CEBPZ: variants seen among roughly 807,000 people sequenced by gnomAD.
CEBPZ encodes the protein CCAAT enhancer binding protein zeta, also known as CCAAT/enhancer-binding protein zeta.
CEBPZ carries 78 observed loss-of-function variants against 104.5 expected under a neutral mutation model. The ratio of observed to expected loss-of-function variants is 0.75; its 90% CI spans 0.62 to 0.90. The LOEUF (loss-of-function observed/expected upper bound fraction) is 0.90. CEBPZ is among the 40% of genes least tolerant of loss of function. The pLI is 0.00. For synonymous variants in CEBPZ, 470 were observed against 427.0 expected (o/e 1.10, Z -1.24); for missense variants, 1,439 against 1,233.5 (o/e 1.17, Z -2.50).
At chr2:37,212,282 A>G (rs1677745603) in intron 11 of CEBPZ, 53 bp downstream of exon 11, 1 of 1,510,542 alleles carries the variant, frequency 6.6e-7, no homozygotes, top group African/African-American at 1.4e-5. Context: ...TCTGAGGGAC[A>G]ACAATTTGGG....
Position 37,201,783 on chromosome 2 carries a change from G to GT in CEBPZ, c.3145dup (p.Thr1049AsnfsTer2), listed in dbSNP as rs148813970. On this transcript the variant is annotated frameshift_variant, in exon 16 of 16. Transcript: ENST00000234170. LOFTEE classifies it high-confidence loss of function. ...AATAACTCATTTCCTTTGTTTTTTA[G>GT]TTTTTTGAGTGGTTTTAATCCTCTT... 1 of 1,485,110 alleles carries GT rather than the reference G, an allele frequency of 6.7e-7. No homozygotes were observed. The highest frequency in any genetic ancestry group is 9.4e-7 in the Non-Finnish European group (1 of 1,063,386). 92.0% of individuals were successfully genotyped at this position (1,485,110 alleles called of 1,614,324 possible).
Position 37,210,989 on chromosome 2 carries a change from A to G in CEBPZ, c.2884+10T>C. 1 of 1,592,636 alleles carries G rather than the reference A, an allele frequency of 6.3e-7. No homozygotes were observed. Among genetic ancestry groups the G allele is most frequent in the East Asian group, 2.2e-5 (1 of 44,478 alleles). ...ACTGCTTTTAAAAGATATTAAATGT[A>G]TTTTCTTACCTTGAAATGAGCCAGC... On this transcript the variant is annotated intron_variant, in intron 13 of 15. Coordinates refer to ENST00000234170, the MANE Select transcript of CEBPZ (RefSeq NM_005760.3).
intron 12 of CEBPZ, 39 bp from the exon 13 acceptor site, chr2:37,211,121 A>C (rs759457060): frequency 8.9e-6 from 12 of 1,352,428 alleles, no homozygotes; most frequent in Non-Finnish European, 1.3e-5. Flanking sequence ...CAATTTAAAA[A>C]CAATAAGACT....
rs114948776 is a variant in CEBPZ at position 37,212,488 on chromosome 2, T to C, written c.2546-96A>G. On this transcript the variant is annotated intron_variant, in intron 10 of 15. Coordinates refer to ENST00000234170, the MANE Select transcript of CEBPZ (RefSeq NM_005760.3). ...CAATTATTCTAAGTCATGATTCTGC[T>C]GTTTATGACAAGTGAACACCAAAAC... 1.2e-3 allele frequency: 1,236 copies of C among 1,068,988 alleles called. 9 individuals carry two copies. In the African/African-American group the frequency reaches 0.018, roughly 15 times the overall value. The allele number at this position is 1,068,988 out of a possible 1,614,324, so 66.2% of individuals were successfully genotyped here.
rs1664809196 is a variant in CEBPZ, at chr2:37,223,241, C to T, written c.1810G>A (p.Gly604Arg). 1 of 1,613,984 alleles carries T rather than the reference C, an allele frequency of 6.2e-7. No individual in the cohort carries two copies. The highest frequency in any genetic ancestry group is 8.5e-7 in the Non-Finnish European group (1 of 1,180,018). Residue 604 changes from glycine to arginine, a missense_variant, in exon 3 of 16, where the codon GGA becomes AGA. By Grantham distance (125) the Gly-to-Arg change is moderately radical (BLOSUM62 -2). Coordinates refer to ENST00000234170, the MANE Select transcript of CEBPZ (RefSeq NM_005760.3). ...TCQQMPPFIC[G>R]ALYLVSEILK... ...ATCTCAGACACAAGATATAAAGCTCCACATATAAATGGTGGCATCTGTTGA... is the reference window on the plus strand; with the variant it reads ...ATCTCAGACACAAGATATAAAGCTCTACATATAAATGGTGGCATCTGTTGA...
rs192761597 is a variant in CEBPZ, at chr2:37,231,133, C to A, written c.156+279G>T. 37 of 587,982 alleles carry A rather than the reference C, an allele frequency of 6.3e-5. No homozygotes were observed. The East Asian group carries it at 1.4e-3, about 22-fold the overall frequency. The allele number at this position is 587,982 out of a possible 1,614,324, so 36.4% of individuals were successfully genotyped here. On this transcript the variant is annotated intron_variant, in intron 1 of 15. Transcript: ENST00000234170. ...GGTCAGGACCAAGAAAAGCCACTCT[C>A]CGACCTGATGGTGTGATGGTTATAC...
intron 9 of CEBPZ, 77 bp downstream of exon 9, chr2:37,214,809 A>G (rs1415457004): frequency 2.2e-6 from 2 of 902,070 alleles, no homozygotes; most frequent in Non-Finnish European, 3.6e-6. Context: ...ATTATTTCAT[A>G]AAATGAAGCA....
At chr2:37,212,433 A>C in intron 10 of CEBPZ, 41 bp from the exon 11 acceptor site, 1 of 1,494,494 alleles carries the variant, frequency 6.7e-7, no homozygotes, top group Non-Finnish European at 9.3e-7. Context: ...ACAAAGAATG[A>C]CAAGCTTGAC....
At chr2:37,229,152 A>T in intron 1 of CEBPZ, 116 bp from the exon 2 acceptor site, 1 of 966,030 alleles carries the variant, frequency 1.0e-6, no homozygotes, top group Non-Finnish European at 1.4e-6. Context: ...AATCCTTTCA[A>T]ATTTGACATA....
intron 13 of CEBPZ, among the ~76,000 whole-genome samples, chr2:37,207,878 TAAAG>T (rs1449807561): frequency 7.9e-5 from 12 of 151,256 alleles, no homozygotes; most frequent in South Asian, 2.1e-4. Context: ...TGTGGAAAAA[TAAAG>T]AAAATCGGTA....
In CEBPZ at chr2:37,228,306, T is replaced by G; in HGVS notation, c.887A>C (p.Asp296Ala). 3 of 1,614,126 alleles carry G rather than the reference T, an allele frequency of 1.9e-6. No individual in the cohort carries two copies. In the African/African-American group the frequency reaches 4.0e-5, roughly 22 times the overall value. Reference protein sequence around the residue: ...LDTFKELLITDLLPDNRKLRI... With the variant: ...LDTFKELLITALLPDNRKLRI... ...CAGCTTCCGATTGTCTGGCAAAAGG[T>G]CTGTGATAAGCAACTCTTTGAAAGT... Residue 296 changes from aspartate to alanine, a missense_variant, in exon 2 of 16, where the codon GAC becomes GCC. Asp to Ala is a moderately radical substitution (Grantham distance 126). Transcript: ENST00000234170.
intron 2 of CEBPZ, 93 bp from the exon 3 acceptor site, chr2:37,223,494 G>A (rs1664815718): frequency 1.9e-6 from 2 of 1,064,742 alleles, no homozygotes; most frequent in Admixed American, 2.3e-5. Flanking sequence ...CCTCATCTTA[G>A]TTAGGGATAA....
At chr2:37,227,315 T>A (rs1664911121) in intron 2 of CEBPZ, among the ~76,000 whole-genome samples, 1 of 152,236 alleles carries the variant, frequency 6.6e-6, no homozygotes, top group Admixed American at 6.5e-5. Flanking sequence ...TTTTTCTGTA[T>A]TTTACAACCT....
chr2:37,202,767 A>C lies in CEBPZ; in HGVS notation c.3025+17T>G. On this transcript the variant is annotated intron_variant, in intron 15 of 15. Coordinates refer to ENST00000234170, the MANE Select transcript of CEBPZ (RefSeq NM_005760.3). ...AGCTATTTTTAAAACATCAATAAAA[A>C]AATTTAAGTTACTTACTTGCATTAT... 6.7e-7 allele frequency: 1 copy of C among 1,485,670 alleles called. No individual in the cohort carries two copies. The highest frequency in any genetic ancestry group is 9.0e-7 in the Non-Finnish European group (1 of 1,107,006). The allele number at this position is 1,485,670 out of a possible 1,614,324, so 92.0% of individuals were successfully genotyped here.
chr2:37,220,317 A>G (rs2148357696), intron 5 of CEBPZ, 68 bp downstream of exon 5: 1 of 448,866 alleles, frequency 2.2e-6, no homozygotes, highest in East Asian at 4.9e-5. Flanking sequence ...CTCTGTCTCA[A>G]AAAAAAAAAA....
intron 9 of CEBPZ, 22 bp downstream of exon 9, chr2:37,214,864 G>A: frequency 6.6e-7 from 1 of 1,512,096 alleles, no homozygotes; most frequent in Middle Eastern, 1.8e-4. Flanking sequence ...TTCCCCAAAT[G>A]AAACTATATT....
intron 6 of CEBPZ, among the ~76,000 whole-genome samples, 183 bp from the exon 7 acceptor site, chr2:37,216,601 A>G (rs377284958): frequency 6.6e-6 from 1 of 152,344 alleles, no homozygotes; most frequent in East Asian, 1.9e-4. Context: ...ACAGATACAT[A>G]TACATACATA....
chr2:37,214,601 T>C (rs1677824410), intron 9 of CEBPZ, among the ~76,000 whole-genome samples: 1 of 152,172 alleles, frequency 6.6e-6, no homozygotes, highest in Non-Finnish European at 1.5e-5. Context: ...CTCCCAAATT[T>C]ACTTTAGTTT....
chr2:37,226,593 T>G (rs1219643885), intron 2 of CEBPZ, among the ~76,000 whole-genome samples: 2 of 152,162 alleles, frequency 1.3e-5, no homozygotes, highest in African/African-American at 4.8e-5. Flanking sequence ...TGGGATGAAT[T>G]ATGTCTACCA....
Sources: allele counts gnomAD v4.1 joint callset (sites outside exome capture counted in the v4.1 genomes callset), GRCh38; gene constraint gnomAD v4.1.1; transcripts MANE v1.5; gene names NCBI Gene and HGNC (gene_info 2026-07-23, HGNC 2026-07-21).